ERP27: variants seen among roughly 807,000 people sequenced by gnomAD.
ERP27 encodes endoplasmic reticulum resident protein 27.
ERP27 carries 23 observed loss-of-function variants against 27.7 expected under a neutral mutation model. The ratio of observed to expected loss-of-function variants is 0.83; its 90% confidence interval spans 0.60 to 1.18. ERP27 has a LOEUF of 1.18. Among genes scored for constraint, ERP27 ranks in the 50% most tolerant of loss-of-function variants. The probability of loss-of-function intolerance (pLI) is 0.00; values close to 1 mark genes in which losing one functional copy is unlikely to be tolerated. For missense variants in ERP27, 363 were observed against 327.9 expected, an observed-to-expected ratio of 1.11 and a Z score of -0.83; for synonymous variants, 159 against 118.3, an observed-to-expected ratio of 1.34 and a Z score of -2.23.
chr12:14,922,287 G>A (rs970845107), intron 3 of ERP27, among the ~76,000 whole-genome samples: 3 of 151,996 alleles, frequency 2.0e-5, no homozygotes, highest in African/African-American at 2.4e-5. Context: ...CCACATCCTT[G>A]TCAACACTTG....
chr12:14,937,880 C>G, intron 2 of ERP27, 72 bp downstream of exon 2: 1 of 1,266,554 alleles, frequency 7.9e-7, no homozygotes, highest in Non-Finnish European at 1.1e-6. Context: ...CTGCCAGCAG[C>G]AGGTGGCTGC....
chr12:14,920,258 A>G (rs1863480592), intron 4 of ERP27, among the ~76,000 whole-genome samples: 1 of 152,214 alleles, frequency 6.6e-6, no homozygotes, highest in Admixed American at 6.5e-5. Context: ...ATGCAACACC[A>G]GAGGAAGACA....
chr12:14,917,651 G>A (rs1049337266), intron 4 of ERP27, among the ~76,000 whole-genome samples: 7 of 152,212 alleles, frequency 4.6e-5, no homozygotes, highest in African/African-American at 1.7e-4. Flanking sequence ...GGGCACTCAA[G>A]CAGTCCTCTG....
chr12:14,924,129 T>C (rs1454159321), intron 3 of ERP27, among the ~76,000 whole-genome samples: 1 of 152,218 alleles, frequency 6.6e-6, no homozygotes, highest in Non-Finnish European at 1.5e-5. Flanking sequence ...CATGTGGTAT[T>C]TGTCTTTCTG....
At chr12:14,921,176 T>A (rs1017828424) in intron 3 of ERP27, 128 bp from the exon 4 acceptor site, 1 of 730,540 alleles carries the variant, frequency 1.4e-6, no homozygotes, top group Non-Finnish European at 2.3e-6. Context: ...TAAGAGAGTT[T>A]CTCTGCCCTA....
At chr12:14,933,729 T>C (rs547130741) in intron 3 of ERP27, among the ~76,000 whole-genome samples, 5 of 152,314 alleles carry the variant, frequency 3.3e-5, no homozygotes, top group African/African-American at 1.2e-4. Flanking sequence ...AAACCCCTAT[T>C]TCTGCACATG....
chr12:14,917,113 C>T, intron 5 of ERP27, 65 bp downstream of exon 5: 7 of 1,589,930 alleles, frequency 4.4e-6, no homozygotes, highest in Non-Finnish European at 6.0e-6. Context: ...CTTCCTAGCC[C>T]CATCTCCCTT....
chr12:14,927,550 C>T (rs1863623066), intron 3 of ERP27, among the ~76,000 whole-genome samples: 2 of 152,086 alleles, frequency 1.3e-5, no homozygotes, highest in Admixed American at 6.5e-5. Flanking sequence ...TGGACTCCAA[C>T]ATTTAATTTT....
At chr12:14,931,191 T>C (rs958913642) in intron 3 of ERP27, among the ~76,000 whole-genome samples, 11 of 152,162 alleles carry the variant, frequency 7.2e-5, no homozygotes, top group African/African-American at 2.7e-4. Flanking sequence ...ATAATAAAAA[T>C]TACTTCATCA....
At chr12:14,933,389 T>A (rs1863726396) in intron 3 of ERP27, among the ~76,000 whole-genome samples, 1 of 152,128 alleles carries the variant, frequency 6.6e-6, no homozygotes, top group Admixed American at 6.5e-5. Flanking sequence ...ACATCATACA[T>A]GACAGAAATG....
At chr12:14,934,551 T>C (rs1863746608) in intron 3 of ERP27, among the ~76,000 whole-genome samples, 1 of 152,220 alleles carries the variant, frequency 6.6e-6, no homozygotes, top group Non-Finnish European at 1.5e-5. Flanking sequence ...TCTAACTCTT[T>C]TATTTTATAA....
chr12:14,914,676 T>C lies in ERP27; in HGVS notation c.*59A>G, dbSNP rs1863380453. The C allele has an allele frequency of 9.3e-6, 14 of 1,505,048 alleles. No individual in the cohort carries two copies. In the South Asian group the frequency reaches 1.4e-4, roughly 15 times the overall value. 93.2% of individuals were successfully genotyped at this position (1,505,048 alleles called of 1,614,324 possible). On this transcript the variant is annotated 3_prime_UTR_variant, in exon 7 of 7. Transcript: ENST00000266397. ...TTGTTTAGTGTCTCTGAGATTTGAG[T>C]TGTGCCTTTTTACTTTGCATAAAGT...
chr12:14,918,368 A>T (rs1863447012), intron 4 of ERP27, among the ~76,000 whole-genome samples: 1 of 152,172 alleles, frequency 6.6e-6, no homozygotes, highest in Admixed American at 6.5e-5. Context: ...TCTTCAGGAG[A>T]CCAGAAGCAT....
Position 14,917,232 on chromosome 12 carries a change from C to T in ERP27, c.522G>A (p.Glu174=). 6.2e-7 allele frequency: 1 copy of T among 1,614,144 alleles called. No homozygotes were observed. The highest frequency in any genetic ancestry group is 8.5e-7 in the Non-Finnish European group (1 of 1,180,024). ...LLLIMNKASP[E]YEENMHRYQK... ...GGTATCTGTGCATGTTCTCTTCATACTCTGGGGAGGCCTTGTTCATTATCA... is the reference window on the plus strand; with the variant it reads ...GGTATCTGTGCATGTTCTCTTCATATTCTGGGGAGGCCTTGTTCATTATCA... Residue 174 remains glutamate (E), a synonymous_variant, in exon 5 of 7, where the codon GAG becomes GAA. Coordinates refer to ENST00000266397, the MANE Select transcript of ERP27 (RefSeq NM_152321.4).
intron 3 of ERP27, among the ~76,000 whole-genome samples, chr12:14,921,573 G>T (rs1863504743): frequency 6.6e-6 from 1 of 152,172 alleles, no homozygotes; most frequent in Non-Finnish European, 1.5e-5. Flanking sequence ...GGCAAGGGGG[G>T]TCATTGGCAA....
intron 3 of ERP27, among the ~76,000 whole-genome samples, chr12:14,922,666 A>G (rs753587900): frequency 1.3e-5 from 2 of 152,184 alleles, no homozygotes; most frequent in African/African-American, 4.8e-5. Context: ...GTTTTAAGAA[A>G]TCTTTGACTA....
At chr12:14,917,352 A>G (rs1027832304) in intron 4 of ERP27, 49 bp from the exon 5 acceptor site, 1 of 1,612,870 alleles carries the variant, frequency 6.2e-7, no homozygotes, top group Non-Finnish European at 8.5e-7. Context: ...GAAAGAATGC[A>G]TTAGTACCTG....
chr12:14,937,904 A>G, intron 2 of ERP27, 48 bp downstream of exon 2: 1 of 1,545,652 alleles, frequency 6.5e-7, no homozygotes, highest in African/African-American at 1.4e-5. Flanking sequence ...GGTTCCCTTA[A>G]GGTAGAACAT....
chr12:14,936,174 C>G (rs1323357496), intron 2 of ERP27, among the ~76,000 whole-genome samples: 1 of 151,630 alleles, frequency 6.6e-6, no homozygotes, highest in African/African-American at 2.4e-5. Flanking sequence ...GAAATAGACG[C>G]CATCAAAAGG....
Sources: allele counts gnomAD v4.1 joint callset (sites outside exome capture counted in the v4.1 genomes callset), GRCh38; gene constraint gnomAD v4.1.1; transcripts MANE v1.5; gene names NCBI Gene and HGNC (gene_info 2026-07-23, HGNC 2026-07-21).